The following CUX1 variants were observed in gnomAD, a reference collection of about 807,000 sequenced individuals.
The protein encoded by CUX1 is cut like homeobox 1.
Under a neutral mutation model 158.8 loss-of-function variants are expected in CUX1, and 31 were observed. The observed-to-expected ratio is 0.20, with a 90% CI of 0.15 to 0.26. The LOEUF is 0.26. Among genes scored for constraint, CUX1 ranks in the 10% least tolerant of loss-of-function variants. The probability of loss-of-function intolerance (pLI) is 1.00; values close to 1 mark genes in which losing one functional copy is unlikely to be tolerated. For synonymous variants in CUX1, 879 were observed against 862.1 expected (o/e 1.02, Z -0.34); for missense variants, 1,589 against 2,014.6 (o/e 0.79, Z 4.04).
At chr7:102,217,387 G>A (rs1470244359) in intron 20 of CUX1, among the ~76,000 whole-genome samples, 2 of 152,246 alleles carry the variant, frequency 1.3e-5, no homozygotes, top group Non-Finnish European at 2.9e-5. Flanking sequence ...CCCCGCCCGC[G>A]GGTGAGCTCT....
intron 1 of CUX1, among the ~76,000 whole-genome samples, chr7:101,872,021 A>T (rs6944154): frequency 6.8e-6 from 1 of 147,314 alleles, no homozygotes; most frequent in Non-Finnish European, 1.5e-5. Context: ...CCATCCCCCC[A>T]AAAAAAAAAA....
Position 102,193,964 on chromosome 7 carries a change from C to G in CUX1, c.1125+74C>G. Reference sequence around the variant, plus strand: ...GTTACCACTGGTCCCTCCGGCATATCCCATGATCCACTGTTTCTACGAGAC... The same window carrying G: ...GTTACCACTGGTCCCTCCGGCATATGCCATGATCCACTGTTTCTACGAGAC... On this transcript the variant is annotated intron_variant, in intron 13 of 23. Transcript: ENST00000292535. The G allele has an allele frequency of 2.8e-6, 4 of 1,412,736 alleles. No individual in the cohort carries two copies. In the South Asian group the frequency reaches 4.6e-5, roughly 16 times the overall value. 87.5% of individuals were successfully genotyped at this position (1,412,736 alleles called of 1,614,324 possible). A position where few individuals can be genotyped will look rare whatever the true frequency, so the allele number is the denominator to read the frequency against.
At chr7:101,841,103 C>G (rs995192298) in intron 1 of CUX1, among the ~76,000 whole-genome samples, 5 of 152,054 alleles carry the variant, frequency 3.3e-5, no homozygotes, top group Non-Finnish European at 5.9e-5. Flanking sequence ...CCGTGTTAGG[C>G]AGGATGGTCT....
At chr7:101,937,635 C>T (rs1025902863) in intron 2 of CUX1, among the ~76,000 whole-genome samples, 4 of 151,964 alleles carry the variant, frequency 2.6e-5, no homozygotes, top group Admixed American at 6.6e-5. Context: ...CTTAGCCTCC[C>T]GAGTAGCTGG....
At chr7:101,993,863 ACTCCCTTCTCCC>A (rs912840677) in intron 2 of CUX1, among the ~76,000 whole-genome samples, 1 of 150,896 alleles carries the variant, frequency 6.6e-6, no homozygotes, top group African/African-American at 2.4e-5. Flanking sequence ...GGCATCCTGG[ACTCCCTTCTCCC>A]CTTCATGGTG....
At chr7:102,093,242 A>AG (rs1563230970) in intron 4 of CUX1, among the ~76,000 whole-genome samples, 1 of 116,108 alleles carries the variant, frequency 8.6e-6, no homozygotes, top group East Asian at 2.0e-4. Context: ...AAAAAAAAAA[A>AG]AAAGAAAGTC....
At position 102,229,763 on chromosome 7, in the gene CUX1, G is replaced by A. The variant is rs549503101; in HGVS notation, c.3433+2094G>A. Among the ~76,000 whole-genome samples, 3 of 151,958 alleles carry A rather than the reference G, an allele frequency of 2.0e-5. No individual in the cohort carries two copies. In the East Asian group the frequency reaches 5.8e-4, roughly 29 times the overall value. ...CTCCCAAGTAGCTGGGATTACAGGT[G>A]CCCACCACCACGCCTGGCTAATTTT... is the stretch of plus-strand genomic sequence containing the variant. On this transcript the variant is annotated intron_variant, in intron 21 of 23. Coordinates refer to ENST00000292535, the MANE Select transcript of CUX1 (RefSeq NM_181552.4).
intron 9 of CUX1, 146 bp from the exon 10 acceptor site, chr7:102,170,300 T>TG (rs1298985684): frequency 4.9e-6 from 3 of 616,258 alleles, no homozygotes; most frequent in Non-Finnish European, 8.6e-6. Flanking sequence ...TCACATTCTG[T>TG]GTTTTTTTTC....
At chr7:102,118,568 G>A (rs1381995626) in intron 8 of CUX1, among the ~76,000 whole-genome samples, 7 of 152,220 alleles carry the variant, frequency 4.6e-5, no homozygotes, top group Admixed American at 2.0e-4. Flanking sequence ...ATTTGTTGAC[G>A]GGAATTGGAG....
At chr7:101,914,217 G>A (rs1247443235) in intron 1 of CUX1, among the ~76,000 whole-genome samples, 1 of 152,178 alleles carries the variant, frequency 6.6e-6, no homozygotes. Context: ...GTGCCTGAAT[G>A]CCAGAAATAC....
chr7:102,178,227 A>G (rs1792612937), intron 10 of CUX1, among the ~76,000 whole-genome samples: 1 of 152,102 alleles, frequency 6.6e-6, no homozygotes, highest in African/African-American at 2.4e-5. Context: ...TCACTGCTAT[A>G]TGGTTGGTAC....
At chr7:101,953,425 T>G (rs1026340112) in intron 2 of CUX1, among the ~76,000 whole-genome samples, 1 of 152,230 alleles carries the variant, frequency 6.6e-6, no homozygotes, top group Non-Finnish European at 1.5e-5. Context: ...TGTTCGGCCT[T>G]CTCGTTGATG....
In CUX1 at chr7:102,065,674, G is replaced by A. The variant is rs1390187954; in HGVS notation, c.190-4665G>A. 5.3e-5 allele frequency among the ~76,000 whole-genome samples: 8 copies of A among 152,322 alleles called. No individual in the cohort carries two copies. The South Asian group carries it at 1.2e-3, about 24-fold the overall frequency. On this transcript the variant is annotated intron_variant, in intron 3 of 23. Coordinates refer to ENST00000292535, the MANE Select transcript of CUX1 (RefSeq NM_181552.4). The stretch of plus-strand genomic sequence containing the variant: ...TCCCTGTGTTAGTGGAAGAGGGCAC[G>A]GGGAGAGGACTGAGAGTCTTGGTCC...
chr7:101,967,777 A>G (rs1444947295), intron 2 of CUX1, among the ~76,000 whole-genome samples: 1 of 152,116 alleles, frequency 6.6e-6, no homozygotes, highest in East Asian at 1.9e-4. Context: ...TCCTCTCCCC[A>G]TGTCTGTGTC....
intron 8 of CUX1, among the ~76,000 whole-genome samples, chr7:102,148,677 C>T (rs1835273817): frequency 6.8e-6 from 1 of 147,934 alleles, no homozygotes; most frequent in Non-Finnish European, 1.5e-5. Context: ...TATAACTACA[C>T]ATTAATGTAT....
At chr7:102,274,523 G>A (rs925234395) in intron 16 of CUX1, among the ~76,000 whole-genome samples, 1 of 152,248 alleles carries the variant, frequency 6.6e-6, no homozygotes. Flanking sequence ...GGCCGAGGTG[G>A]GAGGATCGCC....
chr7:102,030,689 G>GTTTTTTTTTTTTTTTT (rs1585341128), intron 3 of CUX1, among the ~76,000 whole-genome samples: 5 of 82,536 alleles, frequency 6.1e-5, no homozygotes, highest in Admixed American at 3.1e-4. Flanking sequence ...ATTTTAAAAA[G>GTTTTTTTTTTTTTTTT]TGTTTTTTTT....
intron 4 of CUX1, among the ~76,000 whole-genome samples, chr7:102,072,552 A>G (rs1394402125): frequency 1.3e-5 from 2 of 152,248 alleles, no homozygotes; most frequent in Non-Finnish European, 2.9e-5. Flanking sequence ...TTGGTTGCAG[A>G]AAGCAACTAA....
chr7:102,244,526 C>CGT (rs1291756781), intron 23 of CUX1, among the ~76,000 whole-genome samples: 1 of 42,504 alleles, frequency 2.4e-5, no homozygotes, highest in Non-Finnish European at 7.5e-5. Flanking sequence ...AGTGAGACCA[C>CGT]GTCTACAAAA....
Sources: allele counts gnomAD v4.1 joint callset (sites outside exome capture counted in the v4.1 genomes callset), GRCh38; gene constraint gnomAD v4.1.1; transcripts MANE v1.5; gene names NCBI Gene and HGNC (gene_info 2026-07-23, HGNC 2026-07-21).